Variants in CGNL1 observed in about 807,000 individuals in gnomAD.
CGNL1 encodes the protein cingulin like 1, also known as cingulin-like protein 1.
Under a neutral mutation model 141.2 loss-of-function variants are expected in CGNL1, and 132 were observed. The observed-to-expected ratio is 0.93, with a 90% CI of 0.81 to 1.08. CGNL1 has a LOEUF of 1.08. Among genes scored for constraint, CGNL1 ranks in the 50% least tolerant of loss-of-function variants. The pLI, the probability that CGNL1 is intolerant of heterozygous loss-of-function variation, is 0.00. For synonymous variants in CGNL1, 690 were observed against 622.1 expected (o/e 1.11, Z -1.63); for missense variants, 1,870 against 1,588.6 (o/e 1.18, Z -3.01).
intron 1 of CGNL1, among the ~76,000 whole-genome samples, chr15:57,430,229 C>G (rs2063028210): frequency 2.0e-5 from 3 of 152,160 alleles, no homozygotes. Flanking sequence ...TCTCCAGAGC[C>G]AATATTGGAC....
intron 8 of CGNL1, among the ~76,000 whole-genome samples, chr15:57,471,261 G>T (rs1313577368): frequency 3.3e-5 from 5 of 152,140 alleles, no homozygotes; most frequent in African/African-American, 1.2e-4. Context: ...AGGGCTTTTG[G>T]CGAGTAGATT....
chr15:57,470,607 AAGATATGCTGGTTTATCTTT>A (rs2063570474), intron 8 of CGNL1, among the ~76,000 whole-genome samples: 2 of 152,306 alleles, frequency 1.3e-5, no homozygotes, highest in African/African-American at 4.8e-5. Flanking sequence ...GTAGAAGACA[AAGATATGCTGGTTTATCTTT>A]AGATATGCGG....
chr15:57,463,504 G>A (rs1406238781), intron 8 of CGNL1, among the ~76,000 whole-genome samples: 3 of 152,246 alleles, frequency 2.0e-5, no homozygotes, highest in Non-Finnish European at 4.4e-5. Context: ...ATCACTGGCA[G>A]AGAATGGACA....
intron 10 of CGNL1, among the ~76,000 whole-genome samples, chr15:57,522,745 C>T (rs1294745241): frequency 1.3e-5 from 2 of 152,132 alleles, no homozygotes; most frequent in East Asian, 3.8e-4. Context: ...GAGATGAGAG[C>T]CTCAGGGGAA....
chr15:57,411,153 GAC>G (rs2062782459), intron 1 of CGNL1, among the ~76,000 whole-genome samples: 1 of 152,194 alleles, frequency 6.6e-6, no homozygotes, highest in Admixed American at 6.5e-5. Context: ...TCCATCCACA[GAC>G]ACAGAGACTT....
chr15:57,391,176 A>G (rs989688657), intron 1 of CGNL1, among the ~76,000 whole-genome samples: 5 of 151,994 alleles, frequency 3.3e-5, no homozygotes, highest in African/African-American at 9.7e-5. Flanking sequence ...GTCTTTCCAC[A>G]CCCTGTGGTT....
At chr15:57,547,268 C>T in intron 18 of CGNL1, 87 bp from the exon 19 acceptor site, 1 of 1,485,604 alleles carries the variant, frequency 6.7e-7, no homozygotes, top group South Asian at 1.3e-5. Flanking sequence ...GGTGCAGGGA[C>T]AGCAACCCAA....
chr15:57,484,827 T>C (rs1375861721), intron 8 of CGNL1, among the ~76,000 whole-genome samples: 1 of 152,094 alleles, frequency 6.6e-6, no homozygotes, highest in Non-Finnish European at 1.5e-5. Context: ...TCTGTTCCTG[T>C]GTTAGTTTGC....
At position 57,489,305 on chromosome 15, in the gene CGNL1, C is replaced by G. The variant is rs1341965933; in HGVS notation, c.2403+27413C>G. On this transcript the variant is annotated intron_variant, in intron 8 of 18. Transcript: ENST00000281282. ...TGAGTTGTTGTTCCTGAGAAATAATCAAGAGCATACCTAATTCCAATAAAT... is the reference window on the plus strand; with the variant it reads ...TGAGTTGTTGTTCCTGAGAAATAATGAAGAGCATACCTAATTCCAATAAAT... Among the ~76,000 whole-genome samples the G allele has an allele frequency of 2.6e-5, 4 of 152,248 alleles. No homozygotes were observed. The East Asian group carries it at 7.7e-4, about 29-fold the overall frequency.
intron 1 of CGNL1, among the ~76,000 whole-genome samples, chr15:57,383,595 C>CCTTTT (rs71441464): frequency 0.015 from 1,586 of 107,662 alleles, 23 homozygotes; most frequent in Admixed American, 0.027. Context: ...ACCACATCTG[C>CCTTTT]CTTTTCTTTT....
At chr15:57,410,734 C>T (rs1179423123) in intron 1 of CGNL1, among the ~76,000 whole-genome samples, 43 of 152,198 alleles carry the variant, frequency 2.8e-4, no homozygotes, top group Admixed American at 2.8e-3. Context: ...ACTTTTGCCT[C>T]TTAATTTTCT....
intron 9 of CGNL1, among the ~76,000 whole-genome samples, chr15:57,517,393 A>G (rs867451527): frequency 2.0e-5 from 3 of 152,164 alleles, no homozygotes; most frequent in Non-Finnish European, 4.4e-5. Flanking sequence ...TAACAAGCCA[A>G]TTATCTGGTT....
chr15:57,464,768 G>A (rs1410490158), intron 8 of CGNL1, among the ~76,000 whole-genome samples: 1 of 64,706 alleles, frequency 1.5e-5, no homozygotes, highest in Non-Finnish European at 3.0e-5. Context: ...TTTTTTTTTT[G>A]AGATGGAGTC....
intron 6 of CGNL1, among the ~76,000 whole-genome samples, chr15:57,453,420 G>T (rs1402268811): frequency 6.6e-6 from 1 of 152,048 alleles, no homozygotes; most frequent in Non-Finnish European, 1.5e-5. Flanking sequence ...ATCTCCTTTT[G>T]GGGAGAAAAT....
At chr15:57,545,539 C>T (rs2032809447) in intron 16 of CGNL1, 53 bp from the exon 17 acceptor site, 17 of 1,524,966 alleles carry the variant, frequency 1.1e-5, no homozygotes, top group Non-Finnish European at 1.4e-5. Context: ...TAGGCTGGGC[C>T]CCCTGCAGGG....
intron 1 of CGNL1, among the ~76,000 whole-genome samples, chr15:57,402,345 A>G (rs1168297310): frequency 6.6e-6 from 1 of 152,236 alleles, no homozygotes; most frequent in Non-Finnish European, 1.5e-5. Context: ...AGGCCTCACT[A>G]GAAGCTGAGC....
chr15:57,518,646 G>T, intron 10 of CGNL1, 149 bp downstream of exon 10: 3 of 626,516 alleles, frequency 4.8e-6, no homozygotes, highest in South Asian at 3.9e-5. Context: ...TGAACTATCC[G>T]TCTAGACCAG....
At chr15:57,546,743 C>G (rs1304271087) in intron 18 of CGNL1, among the ~76,000 whole-genome samples, 3 of 152,154 alleles carry the variant, frequency 2.0e-5, no homozygotes, top group Admixed American at 6.5e-5. Context: ...GTTGCTTTTT[C>G]TGCTCTAGGG....
chr15:57,398,045 T>G (rs1008882580), intron 1 of CGNL1, among the ~76,000 whole-genome samples: 7 of 152,294 alleles, frequency 4.6e-5, no homozygotes, highest in Non-Finnish European at 8.8e-5. Flanking sequence ...CTTCCCAAAG[T>G]GCTGGGATTA....
Sources: allele counts gnomAD v4.1 joint callset (sites outside exome capture counted in the v4.1 genomes callset), GRCh38; gene constraint gnomAD v4.1.1; transcripts MANE v1.5; gene names NCBI Gene and HGNC (gene_info 2026-07-23, HGNC 2026-07-21).